The following DSC3 variants were observed in gnomAD, a reference collection of about 807,000 sequenced individuals.
The protein encoded by DSC3 is desmocollin 3, also known as desmocollin-3.
Under a neutral mutation model 89.5 loss-of-function variants are expected in DSC3, and 97 were observed. The observed-to-expected ratio is 1.08, with a 90% CI of 0.92 to 1.28. DSC3 has a LOEUF of 1.28. Ranked by LOEUF, DSC3 falls within the 50% of genes most tolerant of loss-of-function variation. The pLI, the probability that DSC3 is intolerant of heterozygous loss-of-function variation, is 0.00. For synonymous variants in DSC3, 436 were observed against 384.1 expected, an observed-to-expected ratio of 1.14 and a Z score of -1.58; for missense variants, 1,199 against 1,085.3, an observed-to-expected ratio of 1.10 and a Z score of -1.47.
Position 31,032,188 on chromosome 18 carries a change from T to A in DSC3, c.154+4A>T. 1 of 1,605,966 alleles carries A rather than the reference T, an allele frequency of 6.2e-7. No individual in the cohort carries two copies. Among genetic ancestry groups the A allele is most frequent in the Non-Finnish European group, 8.5e-7 (1 of 1,172,566 alleles). ...GCTTTAAAAAGACTTTTAAAATTTC[T>A]CACCTCTGCCAATTATTTTGTCTGC... On this transcript the variant is annotated splice_donor_region_variant and intron_variant, in intron 2 of 15. Transcript: ENST00000360428.
intron 12 of DSC3, 83 bp downstream of exon 12, chr18:31,006,824 C>T (rs1984858910): frequency 4.4e-6 from 5 of 1,127,114 alleles, no homozygotes; most frequent in Non-Finnish European, 6.5e-6. Context: ...TTACTTCATG[C>T]TTTGTGTAAG....
At position 31,032,250 on chromosome 18, in the gene DSC3, G is replaced by T. The variant is rs924214279; in HGVS notation, c.96C>A (p.Cys32Ter). The T allele has an allele frequency of 6.2e-7, 1 of 1,613,342 alleles. No homozygotes were observed. The highest frequency in any genetic ancestry group is 8.5e-7 in the Non-Finnish European group (1 of 1,179,482). The change falls in exon 2 of 16, where the codon TGC (cysteine) becomes TGA (stop). Residue 32 changes from cysteine (C) to a stop codon, truncating the protein, a stop_gained. Transcript: ENST00000360428. LOFTEE classifies it high-confidence loss of function. ...LVIFSRAGEA[C>*]KKVILNVPSK... ...AAGGTACATTAAGTATCACCTTTTT[G>T]CAGGCTTCACCAGCACGACTGAAGA...
At chr18:31,015,555 G>A (rs1331354481) in intron 9 of DSC3, among the ~76,000 whole-genome samples, 4 of 131,998 alleles carry the variant, frequency 3.0e-5, no homozygotes, top group Admixed American at 7.7e-5. Context: ...ACTTAGAAAT[G>A]TAATTCCTAG....
intron 10 of DSC3, 43 bp downstream of exon 10, chr18:31,008,226 T>A: frequency 1.2e-6 from 2 of 1,610,838 alleles, no homozygotes; most frequent in Non-Finnish European, 1.7e-6. Flanking sequence ...ATCTCAATGA[T>A]TACAAATACA....
In DSC3 at chr18:30,997,039, T is replaced by C; in HGVS notation, c.2245A>G (p.Asn749Asp). ...TTGGTAGTTTGGGTCATAAATCCAT[T>C]GGCAGAGCACTGAAATAATAAAATG... The part of the protein sequence containing the change: ...APGDDRVCSA[N>D]GFMTQTTNNS... The change falls in exon 15 of 16, where the codon AAT (asparagine) becomes GAT (aspartate). Residue 749 changes from asparagine to aspartate, a missense_variant. Asn to Asp is a conservative substitution (Grantham distance 23). Transcript: ENST00000360428. 6.2e-7 allele frequency: 1 copy of C among 1,614,170 alleles called. No individual in the cohort carries two copies. Among genetic ancestry groups the C allele is most frequent in the Non-Finnish European group, 8.5e-7 (1 of 1,180,012 alleles).
In DSC3 at chr18:31,032,378, C is replaced by T. The variant is rs151272810; in HGVS notation, c.70-102G>A. ...ACAAGCAACTGACAAAGTCCAACAC[C>T]CATTTACAATAAACCCCAGCAAACT... On this transcript the variant is annotated intron_variant, in intron 1 of 15. Coordinates refer to ENST00000360428, the MANE Select transcript of DSC3 (RefSeq NM_001941.5). The T allele has an allele frequency of 3.6e-3, 3,228 of 897,700 alleles. 87 individuals carry two copies. In the African/African-American group the frequency reaches 0.047, roughly 13 times the overall value. The allele number at this position is 897,700 out of a possible 1,614,324, so 55.6% of individuals were successfully genotyped here. A position where few individuals can be genotyped will look rare whatever the true frequency, so the allele number is the denominator to read the frequency against.
At chr18:31,027,472 C>CTTCCTTCCTTCCTTCT (rs1985637140) in intron 4 of DSC3, among the ~76,000 whole-genome samples, 1 of 150,446 alleles carries the variant, frequency 6.6e-6, no homozygotes. Context: ...GGTTTCCTTC[C>CTTCCTTCCTTCCTTCT]TTCCTTCCTT....
intron 15 of DSC3, among the ~76,000 whole-genome samples, chr18:30,996,481 A>G (rs1453256756): frequency 6.6e-6 from 1 of 152,198 alleles, no homozygotes; most frequent in Non-Finnish European, 1.5e-5. Context: ...AGGAACTAGA[A>G]TTACTTTCAC....
intron 1 of DSC3, among the ~76,000 whole-genome samples, chr18:31,032,554 ATGTG>A (rs936935279): frequency 0.1 from 9,381 of 92,272 alleles, 373 homozygotes; most frequent in Non-Finnish European, 0.15. Flanking sequence ...TTCTGTGTGT[ATGTG>A]TGTGTGTGTG....
At chr18:31,032,393 C>G (rs1480421355) in intron 1 of DSC3, 117 bp from the exon 2 acceptor site, 11 of 772,060 alleles carry the variant, frequency 1.4e-5, no homozygotes, top group Admixed American at 4.7e-5. Flanking sequence ...TACAATAAAC[C>G]CCAGCAAACT....
chr18:31,004,529 G>A (rs1234471057), intron 12 of DSC3, among the ~76,000 whole-genome samples, 163 bp from the exon 13 acceptor site: 1 of 152,140 alleles, frequency 6.6e-6, no homozygotes, highest in Admixed American at 6.5e-5. Context: ...AAACTCTACT[G>A]TTATCTTATA....
rs77473534 is a variant in DSC3 at position 31,022,218 on chromosome 18, A to G, written c.942+118T>C. 66,515 of 1,234,730 alleles carry G rather than the reference A, an allele frequency of 0.054. 2,290 individuals carry two copies. Among genetic ancestry groups the G allele is most frequent in the South Asian group, 0.14 (9,989 of 70,696 alleles). The allele number at this position is 1,234,730 out of a possible 1,614,324, so 76.5% of individuals were successfully genotyped here. The stretch of plus-strand genomic sequence containing the variant: ...ACAGAAAAAATTGTTAGGAATTCTT[A>G]TTGTCTTATGCCTAAAATAAAATTA... On this transcript the variant is annotated intron_variant, in intron 7 of 15. Transcript: ENST00000360428.
chr18:31,008,365 G>T lies in DSC3; in HGVS notation c.1424C>A (p.Ala475Asp), dbSNP rs1435532342. 1.2e-6 allele frequency: 2 copies of T among 1,613,880 alleles called. No homozygotes were observed. Among genetic ancestry groups the T allele is most frequent in the Non-Finnish European group, 1.7e-6 (2 of 1,180,016 alleles). The change falls in exon 10 of 16, where the codon GCC (alanine) becomes GAC (aspartate). Residue 475 changes from alanine (A) to aspartate (D), a missense_variant. Ala to Asp is a moderately radical substitution (Grantham distance 126, BLOSUM62 -2). Transcript: ENST00000360428. Reference protein sequence around the residue: ...LDEGPECTPAAQYVRIKENLA... With the variant: ...LDEGPECTPADQYVRIKENLA... ...GTTTTCTTTAATCCGCACATATTGGGCTGCAGGAGTGCATTCAGGCCCCTC... is the reference window on the plus strand; with the variant it reads ...GTTTTCTTTAATCCGCACATATTGGTCTGCAGGAGTGCATTCAGGCCCCTC...
At chr18:30,995,849 G>A (rs1367672091) in intron 15 of DSC3, among the ~76,000 whole-genome samples, 1 of 151,630 alleles carries the variant, frequency 6.6e-6, no homozygotes, top group Non-Finnish European at 1.5e-5. Flanking sequence ...GTGTATACCT[G>A]TAGTCCAAGC....
intron 6 of DSC3, among the ~76,000 whole-genome samples, chr18:31,023,617 T>C (rs1424646869): frequency 6.6e-6 from 1 of 152,138 alleles, no homozygotes; most frequent in Non-Finnish European, 1.5e-5. Flanking sequence ...GCAGTGAAGA[T>C]CTAAGCAACT....
rs918813364 is a variant in DSC3, at chr18:31,011,473, A to G, written c.1264-2948T>C. Among the ~76,000 whole-genome samples, 4 of 151,666 alleles carry G rather than the reference A, an allele frequency of 2.6e-5. No homozygotes were observed. The East Asian group carries it at 7.8e-4, about 30-fold the overall frequency. On this transcript the variant is annotated intron_variant, in intron 9 of 15. Coordinates refer to ENST00000360428, the MANE Select transcript of DSC3 (RefSeq NM_001941.5). Reference sequence around the variant, plus strand: ...TTTGAGGTATAAAGGAATGAATAACATGCACTCTTTCCCTGGATATAATTC... The same window carrying G: ...TTTGAGGTATAAAGGAATGAATAACGTGCACTCTTTCCCTGGATATAATTC...
chr18:31,032,597 CGTGTGCGTGTGCGT>C (rs1985837546), intron 1 of DSC3, among the ~76,000 whole-genome samples: 1 of 116,178 alleles, frequency 8.6e-6, no homozygotes, highest in South Asian at 3.3e-4. Context: ...TGTGCGTGTG[CGTGTGCGTGTGCGT>C]GTGTGACTGA....
intron 15 of DSC3, among the ~76,000 whole-genome samples, chr18:30,995,996 A>AGAAAG (rs1555631967): frequency 0.038 from 5,238 of 136,428 alleles, 259 homozygotes; most frequent in East Asian, 0.098. Flanking sequence ...AAAAAAAAAA[A>AGAAAG]AAAGAAAAGA....
At chr18:31,027,907 A>C (rs926514170) in intron 4 of DSC3, among the ~76,000 whole-genome samples, 15 of 152,022 alleles carry the variant, frequency 9.9e-5, no homozygotes, top group African/African-American at 3.6e-4. Context: ...TATGAAACAC[A>C]CTCCAATGCC....
Sources: allele counts gnomAD v4.1 joint callset (sites outside exome capture counted in the v4.1 genomes callset), GRCh38; gene constraint gnomAD v4.1.1; transcripts MANE v1.5; gene names NCBI Gene and HGNC (gene_info 2026-07-23, HGNC 2026-07-21).